Variants in RAD54B observed in about 807,000 individuals in gnomAD.
RAD54B encodes DNA repair and recombination protein RAD54B.
RAD54B carries 78 observed loss-of-function variants against 95.8 expected under a neutral mutation model. The observed-to-expected ratio is 0.81, with a 90% CI of 0.68 to 0.98. The LOEUF is 0.98. RAD54B is among the 50% of genes least tolerant of loss of function. The probability of loss-of-function intolerance (pLI) is 0.00; values close to 1 mark genes in which losing one functional copy is unlikely to be tolerated. For missense variants in RAD54B, 957 were observed against 1,056.6 expected, an observed-to-expected ratio of 0.91 and a Z score of 1.31; for synonymous variants, 328 against 354.9, an observed-to-expected ratio of 0.92 and a Z score of 0.85.
intron 9 of RAD54B, 30 bp from the exon 10 acceptor site, chr8:94,391,929 G>C: frequency 1.3e-6 from 2 of 1,551,912 alleles, no homozygotes; most frequent in Non-Finnish European, 1.7e-6. Context: ...TTAAATGAAA[G>C]TGTTATAGAC....
At chr8:94,404,525 A>G (rs1646599254) in intron 5 of RAD54B, among the ~76,000 whole-genome samples, 1 of 152,250 alleles carries the variant, frequency 6.6e-6, no homozygotes, top group Admixed American at 6.5e-5. Context: ...TAAGGAATTC[A>G]ATAAGCCACA....
chr8:94,453,793 T>C (rs1812719434), intron 3 of RAD54B, among the ~76,000 whole-genome samples: 1 of 152,070 alleles, frequency 6.6e-6, no homozygotes, highest in Non-Finnish European at 1.5e-5. Flanking sequence ...ATATTCCCTT[T>C]TTGTTTGTTT....
At chr8:94,382,285 G>T (rs907739001) in intron 11 of RAD54B, among the ~76,000 whole-genome samples, 1 of 152,108 alleles carries the variant, frequency 6.6e-6, no homozygotes, top group Non-Finnish European at 1.5e-5. Flanking sequence ...AATTTTTGAT[G>T]AAGAAAAATA....
intron 11 of RAD54B, among the ~76,000 whole-genome samples, chr8:94,381,523 C>CA (rs1563635223): frequency 6.6e-6 from 1 of 151,792 alleles, no homozygotes; most frequent in Non-Finnish European, 1.5e-5. Context: ...TGAAAAAAAA[C>CA]AGAAGAAAAC....
chr8:94,391,974 T>C, intron 9 of RAD54B, 75 bp from the exon 10 acceptor site: 1 of 1,351,768 alleles, frequency 7.4e-7, no homozygotes, highest in Non-Finnish European at 1.0e-6. Context: ...AAAGATTTCA[T>C]AATGATAAAC....
intron 2 of RAD54B, among the ~76,000 whole-genome samples, chr8:94,464,323 A>G (rs1040549339): frequency 6.6e-6 from 1 of 152,206 alleles, no homozygotes; most frequent in Non-Finnish European, 1.5e-5. Context: ...TGAAGACGGA[A>G]GAAGGGGACC....
chr8:94,411,368 A>T (rs1811527249), intron 3 of RAD54B, 53 bp from the exon 4 acceptor site: 1 of 1,417,488 alleles, frequency 7.1e-7, no homozygotes, highest in Admixed American at 2.8e-5. Flanking sequence ...ATGTCTAAGT[A>T]GTAAGGTCAT....
chr8:94,430,037 G>C, intron 3 of RAD54B: 14 of 985,264 alleles, frequency 1.4e-5, no homozygotes, highest in Non-Finnish European at 1.7e-5. Flanking sequence ...ATTTAGGCTG[G>C]GCACGGTGGC....
At chr8:94,435,034 T>C (rs3136409) in intron 3 of RAD54B, among the ~76,000 whole-genome samples, 14,574 of 152,000 alleles carry the variant, frequency 0.096, 1,288 homozygotes, top group African/African-American at 0.22. Context: ...CTACATGTCG[T>C]TTTCAAATTA....
At chr8:94,432,320 T>G in intron 3 of RAD54B, 1 of 1,550,300 alleles carries the variant, frequency 6.5e-7, no homozygotes, top group Non-Finnish European at 8.7e-7. Context: ...CTTTCAACAT[T>G]TGCAGGATCT....
At chr8:94,383,637 T>C (rs1164508307) in intron 11 of RAD54B, among the ~76,000 whole-genome samples, 2 of 152,226 alleles carry the variant, frequency 1.3e-5, no homozygotes, top group Non-Finnish European at 2.9e-5. Context: ...CTGGTATGAA[T>C]ATACATGAAA....
At chr8:94,459,159 CTTTT>C (rs1249993337) in intron 2 of RAD54B, among the ~76,000 whole-genome samples, 1 of 151,924 alleles carries the variant, frequency 6.6e-6, no homozygotes, top group Non-Finnish European at 1.5e-5. Flanking sequence ...GCCCCCACCT[CTTTT>C]TTTAAGAGAT....
At chr8:94,456,717 T>C (rs1370362932) in intron 3 of RAD54B, among the ~76,000 whole-genome samples, 1 of 152,160 alleles carries the variant, frequency 6.6e-6, no homozygotes, top group Non-Finnish European at 1.5e-5. Context: ...GTGGATTAGA[T>C]CAAGAATGAA....
intron 3 of RAD54B, among the ~76,000 whole-genome samples, chr8:94,433,464 T>G (rs1812170687): frequency 6.6e-6 from 1 of 152,016 alleles, no homozygotes; most frequent in South Asian, 2.1e-4. Flanking sequence ...ACTAAATGAT[T>G]TTTTAATGAA....
chr8:94,463,908 AAAAAAG>A (rs1475549943), intron 2 of RAD54B, among the ~76,000 whole-genome samples: 27 of 151,014 alleles, frequency 1.8e-4, no homozygotes, highest in East Asian at 1.9e-4. Context: ...AAAAAAAAAA[AAAAAAG>A]AAAGAAAGAA....
intron 1 of RAD54B, among the ~76,000 whole-genome samples, chr8:94,468,689 A>T (rs3102853): frequency 1.7e-4 from 26 of 151,708 alleles, no homozygotes; most frequent in African/African-American, 6.0e-4. Context: ...ATTAGCCAGG[A>T]GTGGTGGCGG....
intron 3 of RAD54B, among the ~76,000 whole-genome samples, chr8:94,440,851 C>A (rs1167204480): frequency 1.3e-5 from 2 of 152,064 alleles, no homozygotes; most frequent in African/African-American, 2.4e-5. Flanking sequence ...AAGAGAGAGA[C>A]CCTCTCATAT....
intron 3 of RAD54B, among the ~76,000 whole-genome samples, chr8:94,433,801 T>G (rs1265159695): frequency 6.6e-6 from 1 of 151,760 alleles, no homozygotes; most frequent in Non-Finnish European, 1.5e-5. Flanking sequence ...TAATATTATT[T>G]AGAGAAGATT....
intron 8 of RAD54B, among the ~76,000 whole-genome samples, chr8:94,396,322 A>G (rs1811143948): frequency 6.6e-6 from 1 of 151,846 alleles, no homozygotes; most frequent in Non-Finnish European, 1.5e-5. Context: ...TTTCAAGAGT[A>G]TGGGAAAGAA....
Sources: gnomAD v4.1 joint callset for allele counts (sites outside exome capture counted in the v4.1 genomes callset) on GRCh38, gnomAD v4.1.1 for gene constraint, MANE v1.5 for transcripts, NCBI Gene and HGNC (gene_info 2026-07-23, HGNC 2026-07-21) for gene names.